The following SLC24A2 variants were observed in gnomAD, a reference collection of about 807,000 sequenced individuals.
SLC24A2 encodes the protein sodium/potassium/calcium exchanger 2.
In SLC24A2, 36 loss-of-function variants were observed where a neutral mutation model predicts 62.0. The observed-to-expected ratio is 0.58, with a 90% CI of 0.44 to 0.77. The LOEUF is 0.77. SLC24A2 is among the 30% of genes least tolerant of loss of function. The probability of loss-of-function intolerance (pLI) is 0.00; values close to 1 mark genes in which losing one functional copy is unlikely to be tolerated. For missense variants in SLC24A2, 846 were observed against 817.9 expected, an observed-to-expected ratio of 1.03 and a Z score of -0.42; for synonymous variants, 358 against 294.0, an observed-to-expected ratio of 1.22 and a Z score of -2.23.
intron 9 of SLC24A2, among the ~76,000 whole-genome samples, chr9:19,524,612 C>G (rs1397355749): frequency 1.2e-4 from 19 of 152,164 alleles, no homozygotes; most frequent in Admixed American, 1.2e-3. Context: ...TAGAGCTAGA[C>G]TTCTTGGAAC....
chr9:19,920,467 T>A, the SLC24A2 span, among the ~76,000 whole-genome samples: 2 of 152,142 alleles, frequency 1.3e-5, no homozygotes, highest in Non-Finnish European at 2.9e-5. Flanking sequence ...AGCAGTTTAT[T>A]TGGGAGGAGA....
chr9:19,628,225 G>T (rs1818083744), intron 2 of SLC24A2, among the ~76,000 whole-genome samples: 1 of 152,102 alleles, frequency 6.6e-6, no homozygotes, highest in Admixed American at 6.6e-5. Flanking sequence ...GTGTGCTTCT[G>T]GGTCAGTTAC....
intron 2 of SLC24A2, among the ~76,000 whole-genome samples, chr9:19,622,895 T>C (rs552238857): frequency 6.6e-6 from 1 of 152,292 alleles, no homozygotes; most frequent in Non-Finnish European, 1.5e-5. Context: ...GTTAGGCCAC[T>C]GCATTAAAGA....
intron 2 of SLC24A2, among the ~76,000 whole-genome samples, chr9:19,660,101 C>T (rs1441331295): frequency 2.6e-5 from 4 of 152,258 alleles, no homozygotes; most frequent in Middle Eastern, 3.4e-3. Flanking sequence ...TTTCCTCTGC[C>T]GCACAGGATT....
the SLC24A2 span, among the ~76,000 whole-genome samples, chr9:20,047,190 G>T: frequency 2.0e-5 from 3 of 152,136 alleles, no homozygotes; most frequent in African/African-American, 7.2e-5. Flanking sequence ...CGGGCAACAG[G>T]ACCTAGCATT....
At chr9:20,265,412 A>G in the SLC24A2 span, among the ~76,000 whole-genome samples, 1 of 152,138 alleles carries the variant, frequency 6.6e-6, no homozygotes, top group African/African-American at 2.4e-5. Context: ...CATTTATTAG[A>G]TCCCCAAATT....
At chr9:19,991,096 T>C in the SLC24A2 span, among the ~76,000 whole-genome samples, 1 of 151,774 alleles carries the variant, frequency 6.6e-6, no homozygotes, top group Non-Finnish European at 1.5e-5. Flanking sequence ...TAAGGAGTAT[T>C]GACTCACAGG....
At chr9:19,807,297 A>G in the SLC24A2 span, among the ~76,000 whole-genome samples, 1 of 152,230 alleles carries the variant, frequency 6.6e-6, no homozygotes, top group Non-Finnish European at 1.5e-5. Context: ...TTTATGTAAG[A>G]ACTTGGCTTT....
intron 10 of SLC24A2, among the ~76,000 whole-genome samples, chr9:19,519,893 C>T (rs771977139): frequency 1.3e-5 from 2 of 152,192 alleles, no homozygotes; most frequent in Non-Finnish European, 2.9e-5. Context: ...GAGAGTGCTA[C>T]AATTGATAGC....
At chr9:19,962,008 G>C in the SLC24A2 span, among the ~76,000 whole-genome samples, 1 of 152,184 alleles carries the variant, frequency 6.6e-6, no homozygotes, top group East Asian at 1.9e-4. Context: ...AAGCTGCTAT[G>C]TTTGGGGATA....
At chr9:19,817,452 T>A in the SLC24A2 span, among the ~76,000 whole-genome samples, 16,627 of 151,774 alleles carry the variant, frequency 0.11, 1,837 homozygotes, top group African/African-American at 0.29. Context: ...ACTTTATATA[T>A]CTATATGCAA....
the SLC24A2 span, among the ~76,000 whole-genome samples, chr9:20,076,294 C>G: frequency 6.6e-6 from 1 of 152,108 alleles, no homozygotes; most frequent in African/African-American, 2.4e-5. Flanking sequence ...CTAGAGAGAG[C>G]TACCTAGTTT....
chr9:19,583,041 A>C (rs1836254922), intron 5 of SLC24A2, among the ~76,000 whole-genome samples: 1 of 152,238 alleles, frequency 6.6e-6, no homozygotes, highest in Non-Finnish European at 1.5e-5. Context: ...TCAGTAAAAC[A>C]GAACATGGCA....
the SLC24A2 span, among the ~76,000 whole-genome samples, chr9:20,009,036 T>C: frequency 1.3e-5 from 2 of 152,134 alleles, no homozygotes; most frequent in Non-Finnish European, 2.9e-5. Flanking sequence ...AGAGAAATGG[T>C]TCTCATTGAG....
chr9:19,989,975 T>G, the SLC24A2 span, among the ~76,000 whole-genome samples: 7 of 152,152 alleles, frequency 4.6e-5, no homozygotes, highest in Admixed American at 4.6e-4. Flanking sequence ...TTCCTGTGGC[T>G]AAAACATAGG....
chr9:19,585,905 C>T (rs980701047), intron 5 of SLC24A2, among the ~76,000 whole-genome samples: 3 of 152,082 alleles, frequency 2.0e-5, no homozygotes, highest in African/African-American at 7.2e-5. Flanking sequence ...ATGGATCAGC[C>T]CAAATGTGAA....
chr9:19,600,485 G>A (rs1409125909), intron 4 of SLC24A2, among the ~76,000 whole-genome samples: 6 of 152,198 alleles, frequency 3.9e-5, no homozygotes, highest in Admixed American at 2.0e-4. Flanking sequence ...TATGGTGAAA[G>A]TCCTGAAAGG....
At chr9:19,544,390 C>T (rs975252998) in intron 8 of SLC24A2, among the ~76,000 whole-genome samples, 3 of 151,844 alleles carry the variant, frequency 2.0e-5, no homozygotes, top group Non-Finnish European at 4.4e-5. Context: ...TCCAATTTGC[C>T]AGTCTGTGTC....
chr9:19,573,484 A>G lies in SLC24A2; in HGVS notation c.1229-15T>C, dbSNP rs768046704. The G allele has an allele frequency of 1.2e-6, 1 of 820,278 alleles. No homozygotes were observed. Among genetic ancestry groups the G allele is most frequent in the Non-Finnish European group, 2.1e-6 (1 of 479,244 alleles). 50.8% of individuals were successfully genotyped at this position (820,278 alleles called of 1,614,324 possible). A position where few individuals can be genotyped will look rare whatever the true frequency, so the allele number is the denominator to read the frequency against. On this transcript the variant is annotated splice_polypyrimidine_tract_variant and intron_variant, in intron 6 of 10. Transcript: ENST00000341998. Reference sequence around the variant, plus strand: ...CTCAATTTTTTCTGTGATATAATTTAAACACACACACACACACACACACAC... The same window carrying G: ...CTCAATTTTTTCTGTGATATAATTTGAACACACACACACACACACACACAC...
Sources: allele counts gnomAD v4.1 joint callset (sites outside exome capture counted in the v4.1 genomes callset), GRCh38; gene constraint gnomAD v4.1.1; transcripts MANE v1.5; gene names NCBI Gene and HGNC (gene_info 2026-07-23, HGNC 2026-07-21).